The following AHNAK variants were observed in gnomAD, a reference collection of about 807,000 sequenced individuals.
AHNAK encodes neuroblast differentiation-associated protein AHNAK.
AHNAK carries 23 observed loss-of-function variants against 37.8 expected under a neutral mutation model. The observed-to-expected ratio is 0.61, with a 90% CI of 0.44 to 0.86. The LOEUF (loss-of-function observed/expected upper bound fraction) is 0.86, where lower values mean the gene tolerates loss of function less well. Ranked by LOEUF, AHNAK falls within the 40% of genes least tolerant of loss-of-function variation. The probability of loss-of-function intolerance (pLI) is 0.00; values close to 1 mark genes in which losing one functional copy is unlikely to be tolerated. For synonymous variants in AHNAK, 2,481 were observed against 2,636.3 expected (o/e 0.94, Z 1.80); for missense variants, 7,411 against 7,319.4 (o/e 1.01, Z -0.46).
chr11:62,519,656 C>T lies in AHNAK; in HGVS notation c.14761G>A (p.Val4921Ile), dbSNP rs373146870. 113 of 1,613,956 alleles carry T rather than the reference C, an allele frequency of 7.0e-5. No individual in the cohort carries two copies. The highest frequency in any genetic ancestry group is 9.2e-5 in the Non-Finnish European group (109 of 1,180,012). The change falls in exon 5 of 5, where the codon GTT becomes ATT. Residue 4921 changes from valine (V) to isoleucine (I), a missense_variant. By Grantham distance (29) the Val-to-Ile change is conservative. Transcript: ENST00000378024. ...ISAPKVTAPD[V>I]DLHLKAPKIG... is the part of the protein sequence containing the mutation. Reference sequence around the variant, plus strand: ...TTTGGTGCCTTGAGATGCAAATCAACATCAGGAGCAGTTACTTTAGGAGCA... The same window carrying T: ...TTTGGTGCCTTGAGATGCAAATCAATATCAGGAGCAGTTACTTTAGGAGCA...
intron 4 of AHNAK, 34 bp downstream of exon 4, chr11:62,534,969 G>A: frequency 2.5e-6 from 4 of 1,587,340 alleles, no homozygotes; most frequent in South Asian, 1.1e-5. Flanking sequence ...GGCCGGGGGA[G>A]CTCAGGGCAC....
At chr11:62,436,805 G>A (rs1205576200) in intron 5 of AHNAK, among the ~76,000 whole-genome samples, 1 of 152,032 alleles carries the variant, frequency 6.6e-6, no homozygotes, top group Non-Finnish European at 1.5e-5. Flanking sequence ...CGGGCATGGT[G>A]GCGGGCGCCT....
Position 62,525,829 on chromosome 11 carries a change from T to A in AHNAK, c.8588A>T (p.Asp2863Val), listed in dbSNP as rs1308020603. The change falls in exon 5 of 5, where the codon GAT becomes GTT. Residue 2863 changes from aspartate to valine, a missense_variant. Asp to Val is a radical substitution (Grantham distance 152). Transcript: ENST00000378024. ...GAGGTCAACTTCAGGACCTTTCAGA[T>A]CTCCCTCTACCTTAGGGCCTGTAAC... ...VDVTGPKVEGDLKGPEVDLKG... is the reference protein window; with the variant it reads ...VDVTGPKVEGVLKGPEVDLKG... 1.9e-6 allele frequency: 3 copies of A among 1,614,014 alleles called. No homozygotes were observed. In the South Asian group the frequency reaches 3.3e-5, roughly 18 times the overall value.
At chr11:62,505,737 C>A (rs1939798720) in intron 4 of AHNAK, among the ~76,000 whole-genome samples, 1 of 150,908 alleles carries the variant, frequency 6.6e-6, no homozygotes, top group Non-Finnish European at 1.5e-5. Context: ...CCTGCTGCCT[C>A]CCCCGACACA....
At chr11:62,541,285 G>T (rs1323883767) in intron 1 of AHNAK, among the ~76,000 whole-genome samples, 1 of 152,216 alleles carries the variant, frequency 6.6e-6, no homozygotes, top group East Asian at 1.9e-4. Flanking sequence ...CCTCCGAGGG[G>T]AAGAAAATCA....
rs1443854693 is a variant in AHNAK, at chr11:62,461,206, C to G, written c.443-27315G>C. The stretch of plus-strand genomic sequence containing the variant: ...CTGTCACCAAGCTGGAATGCAATGG[C>G]ACCATCTCAGCTCACTGCAACCTCC... On this transcript the variant is annotated intron_variant, in intron 5 of 5. Coordinates refer to the AHNAK transcript ENST00000257247. Among the ~76,000 whole-genome samples, 41 of 121,000 alleles carry G rather than the reference C, an allele frequency of 3.4e-4. 2 individuals carry two copies. The Admixed American group carries it at 4.3e-3, about 13-fold the overall frequency. 79.4% of individuals were successfully genotyped at this position (121,000 alleles called of 152,430 possible). A position where few individuals can be genotyped will look rare whatever the true frequency, so the allele number is the denominator to read the frequency against.
chr11:62,529,160 G>A lies in AHNAK; in HGVS notation c.5257C>T (p.Pro1753Ser), dbSNP rs1430161405. ...VSGPSVDTDAPDLDIEGPEGK... is the reference protein window; with the variant it reads ...VSGPSVDTDASDLDIEGPEGK... ...TCTGGTCCCTCAATATCCAAATCAG[G>A]AGCATCAGTGTCCACACTGGGTCCA... is the stretch of plus-strand genomic sequence containing the variant. The change falls in exon 5 of 5, where the codon CCT (proline) becomes TCT (serine). Residue 1753 changes from proline to serine, a missense_variant. Pro to Ser is a moderately conservative substitution (Grantham distance 74). Transcript: ENST00000378024. 1 of 1,614,066 alleles carries A rather than the reference G, an allele frequency of 6.2e-7. No homozygotes were observed. Among genetic ancestry groups the A allele is most frequent in the Non-Finnish European group, 8.5e-7 (1 of 1,180,010 alleles).
chr11:62,504,697 T>C (rs1230359429), intron 4 of AHNAK, among the ~76,000 whole-genome samples: 1 of 151,918 alleles, frequency 6.6e-6, no homozygotes, highest in African/African-American at 2.4e-5. Context: ...GCCTCCCCTT[T>C]CACCTGGCTG....
intron 4 of AHNAK, among the ~76,000 whole-genome samples, chr11:62,494,025 T>A (rs1046650893): frequency 1.3e-5 from 2 of 151,910 alleles, no homozygotes; most frequent in African/African-American, 4.8e-5. Flanking sequence ...AATGAATGAG[T>A]GGTGAATAAA....
intron 5 of AHNAK, among the ~76,000 whole-genome samples, chr11:62,486,096 G>A (rs969616595): frequency 6.6e-6 from 1 of 151,812 alleles, no homozygotes; most frequent in Non-Finnish European, 1.5e-5. Flanking sequence ...GATGAACCCT[G>A]AAAGTGAAGT....
At position 62,448,044 on chromosome 11, in the gene AHNAK, G is replaced by A. The variant is rs544601665; in HGVS notation, c.443-14153C>T. ...CTTGAAGTTTGAAGAATGGGAAGGA[G>A]CCAGCCACGCAAAGGCAAGGACGAG... is the stretch of plus-strand genomic sequence containing the variant. On this transcript the variant is annotated intron_variant, in intron 5 of 5. Coordinates refer to the AHNAK transcript ENST00000257247. 4.9e-4 allele frequency among the ~76,000 whole-genome samples: 74 copies of A among 152,168 alleles called. 1 individual carries two copies. Among genetic ancestry groups the A allele is most frequent in the East Asian group, 3.5e-3 (18 of 5,166 alleles).
chr11:62,433,923 A>G, intron 5 of AHNAK: 1 of 1,609,492 alleles, frequency 6.2e-7, no homozygotes. Context: ...ATTTATATTC[A>G]ACACACTATT....
intron 5 of AHNAK, among the ~76,000 whole-genome samples, chr11:62,456,205 C>A (rs2134815467): frequency 6.6e-6 from 1 of 152,224 alleles, no homozygotes; most frequent in South Asian, 2.1e-4. Context: ...TTCCAGCCTC[C>A]AGAATGGTGA....
rs1940250274 is a variant in AHNAK at position 62,521,692 on chromosome 11, C to T, written c.12725G>A (p.Gly4242Asp). 4 of 1,614,048 alleles carry T rather than the reference C, an allele frequency of 2.5e-6. No individual in the cohort carries two copies. The highest frequency in any genetic ancestry group is 3.4e-6 in the Non-Finnish European group (4 of 1,180,018). Residue 4242 changes from glycine to aspartate, a missense_variant, in exon 5 of 5, where the codon GGC becomes GAC. Gly to Asp is a moderately conservative substitution (Grantham distance 94, BLOSUM62 -1). Transcript: ENST00000378024. ...NIEGPDAKLK[G>D]PKFKMPEMNI... Reference sequence around the variant, plus strand: ...CATCTCAGGCATCTTGAATTTAGGGCCCTTTAGTTTCGCATCTGGACCTTC... The same window carrying T: ...CATCTCAGGCATCTTGAATTTAGGGTCCTTTAGTTTCGCATCTGGACCTTC...
rs1310144936 is a variant in AHNAK at position 62,520,707 on chromosome 11, A to G, written c.13710T>C (p.His4570=). Residue 4570 remains histidine (H), a synonymous_variant, in exon 5 of 5, where the codon CAT becomes CAC. Coordinates refer to ENST00000378024, the MANE Select transcript of AHNAK (RefSeq NM_001620.3). The part of the protein sequence containing the change: ...VGIDTPDIDI[H]GPEGKLKGPK... The stretch of plus-strand genomic sequence containing the variant: ...GGCCCTTCAGTTTCCCTTCTGGACC[A>G]TGAATGTCAATATCAGGAGTGTCAA... 6.2e-7 allele frequency: 1 copy of G among 1,613,844 alleles called. No homozygotes were observed. The highest frequency in any genetic ancestry group is 1.1e-5 in the South Asian group (1 of 91,060).
chr11:62,465,791 C>G (rs1473328133), intron 5 of AHNAK, among the ~76,000 whole-genome samples: 1 of 152,046 alleles, frequency 6.6e-6, no homozygotes, highest in Non-Finnish European at 1.5e-5. Flanking sequence ...TTATGCTGCT[C>G]TAAGCCAAGA....
intron 5 of AHNAK, among the ~76,000 whole-genome samples, chr11:62,490,863 C>T (rs1468031672): frequency 1.3e-5 from 2 of 152,144 alleles, no homozygotes; most frequent in East Asian, 1.9e-4. Context: ...TCTCAACTCA[C>T]GGCAACCTCT....
Position 62,518,085 on chromosome 11 carries a change from C to G in AHNAK, c.16332G>C (p.Gly5444=). Residue 5444 remains glycine (G), a synonymous_variant, in exon 5 of 5, where the codon GGG becomes GGC. Coordinates refer to ENST00000378024, the MANE Select transcript of AHNAK (RefSeq NM_001620.3). ...KGPGVDVNLK[G]PRISAPNVDF... is the part of the protein sequence containing the mutation. ...CCACATTCGGTGCTGAAATCCGAGGCCCTTTCAGGTTCACATCCACACCTG... is the reference window on the plus strand; with the variant it reads ...CCACATTCGGTGCTGAAATCCGAGGGCCTTTCAGGTTCACATCCACACCTG... 1 of 1,614,198 alleles carries G rather than the reference C, an allele frequency of 6.2e-7. No individual in the cohort carries two copies. Among genetic ancestry groups the G allele is most frequent in the Non-Finnish European group, 8.5e-7 (1 of 1,180,030 alleles).
chr11:62,544,205 G>A (rs1156956221), intron 1 of AHNAK, among the ~76,000 whole-genome samples: 1 of 152,056 alleles, frequency 6.6e-6, no homozygotes, highest in Non-Finnish European at 1.5e-5. Context: ...AGATGACTCC[G>A]GGGACCCCCA....
Sources: allele counts gnomAD v4.1 joint callset (sites outside exome capture counted in the v4.1 genomes callset), GRCh38; gene constraint gnomAD v4.1.1; transcripts MANE v1.5; gene names NCBI Gene and HGNC (gene_info 2026-07-23, HGNC 2026-07-21).